Variants in FILIP1L observed in about 807,000 individuals in gnomAD.
FILIP1L encodes the protein filamin A interacting protein 1 like, also known as filamin A-interacting protein 1-like.
A neutral mutation model predicts 96.6 loss-of-function variants in FILIP1L; 55 were observed. The ratio of observed to expected loss-of-function variants is 0.57; its 90% CI spans 0.46 to 0.71. FILIP1L has a LOEUF of 0.71. Among genes scored for constraint, FILIP1L ranks in the 30% least tolerant of loss-of-function variants. FILIP1L has a pLI of 0.00. For missense variants in FILIP1L, 1,304 were observed against 1,321.2 expected, an observed-to-expected ratio of 0.99 and a Z score of 0.20; for synonymous variants, 467 against 473.9, an observed-to-expected ratio of 0.99 and a Z score of 0.19.
At chr3:100,046,094 T>A (rs2065274426) in intron 1 of FILIP1L, among the ~76,000 whole-genome samples, 1 of 152,204 alleles carries the variant, frequency 6.6e-6, no homozygotes, top group African/African-American at 2.4e-5. Flanking sequence ...TGTAACATGA[T>A]GACTGCTTGG....
chr3:99,956,911 C>G (rs1294719681), intron 1 of FILIP1L, among the ~76,000 whole-genome samples: 1 of 152,158 alleles, frequency 6.6e-6, no homozygotes, highest in Non-Finnish European at 1.5e-5. Context: ...AGCTTCTGCC[C>G]TCACCAATGG....
In FILIP1L at chr3:100,021,960, T is replaced by TGTGTGTGTGTGTGAGAGAGA. The variant is rs1321185364; in HGVS notation, c.-10-90931_-10-90930insTCTCTCTCACACACACACAC. Among the ~76,000 whole-genome samples, 3 of 93,330 alleles carry TGTGTGTGTGTGTGAGAGAGA rather than the reference T, an allele frequency of 3.2e-5. No individual in the cohort carries two copies. In the South Asian group the frequency reaches 1.3e-3, roughly 41 times the overall value. 61.2% of individuals were successfully genotyped at this position (93,330 alleles called of 152,430 possible). On this transcript the variant is annotated intron_variant, in intron 1 of 5. Coordinates refer to ENST00000477258, the MANE Select transcript of FILIP1L (RefSeq NM_001387850.1). The stretch of plus-strand genomic sequence containing the variant: ...GTGTGTGTGTGTGTGTGTGTGTGTG[T>TGTGTGTGTGTGTGAGAGAGA]GAGAGAGAGAGAGAGAGAGAGAGAG...
At chr3:100,105,286 G>A (rs1292386984) in intron 1 of FILIP1L, among the ~76,000 whole-genome samples, 1 of 152,174 alleles carries the variant, frequency 6.6e-6, no homozygotes, top group Non-Finnish European at 1.5e-5. Context: ...TGATTTGGGA[G>A]TGGCAATATT....
chr3:100,001,629 G>A (rs1559720907), intron 1 of FILIP1L, among the ~76,000 whole-genome samples: 1 of 152,204 alleles, frequency 6.6e-6, no homozygotes, highest in East Asian at 1.9e-4. Flanking sequence ...CCATCTAGTT[G>A]GGTCTTGTCT....
chr3:99,851,837 A>G (rs1943711635), intron 4 of FILIP1L, among the ~76,000 whole-genome samples: 1 of 152,206 alleles, frequency 6.6e-6, no homozygotes, highest in South Asian at 2.1e-4. Context: ...CTTCACATAT[A>G]TCTTATCCTC....
chr3:99,831,882 A>G (rs1942680031), intron 5 of FILIP1L, among the ~76,000 whole-genome samples: 1 of 152,198 alleles, frequency 6.6e-6, no homozygotes, highest in South Asian at 2.1e-4. Context: ...CTTCCTTTAG[A>G]TGTAAGCTTT....
At chr3:100,040,702 G>A (rs1363950402) in intron 1 of FILIP1L, 2 of 152,174 alleles carry the variant, frequency 1.3e-5, no homozygotes, top group Non-Finnish European at 2.9e-5. Context: ...ACTATTACAG[G>A]CTGAACAGGA....
At chr3:99,920,026 C>T (rs1400987781) in intron 4 of FILIP1L, among the ~76,000 whole-genome samples, 1 of 152,198 alleles carries the variant, frequency 6.6e-6, no homozygotes, top group South Asian at 2.1e-4. Flanking sequence ...TTCTGATTTA[C>T]AAAACTGAAC....
intron 1 of FILIP1L, among the ~76,000 whole-genome samples, chr3:100,082,686 GC>G (rs1173535000): frequency 6.6e-6 from 1 of 152,150 alleles, no homozygotes; most frequent in Non-Finnish European, 1.5e-5. Context: ...TATTTAGGAA[GC>G]CTTTATAGAT....
chr3:99,934,992 A>G (rs1707615220), intron 1 of FILIP1L, among the ~76,000 whole-genome samples: 1 of 152,194 alleles, frequency 6.6e-6, no homozygotes, highest in Non-Finnish European at 1.5e-5. Flanking sequence ...CTTCTGGTCT[A>G]CTGAGGAGCA....
intron 1 of FILIP1L, among the ~76,000 whole-genome samples, chr3:99,933,374 A>G (rs1707550980): frequency 6.6e-6 from 1 of 152,222 alleles, no homozygotes. Context: ...AAGCAAAGGC[A>G]TAGAAGGGAT....
intron 1 of FILIP1L, among the ~76,000 whole-genome samples, chr3:99,982,518 T>G (rs1049535734): frequency 2.0e-5 from 3 of 152,134 alleles, no homozygotes; most frequent in African/African-American, 7.2e-5. Flanking sequence ...TTTTTTTATT[T>G]TTTTATAGAA....
At chr3:100,033,043 A>G (rs2065045620) in intron 1 of FILIP1L, among the ~76,000 whole-genome samples, 1 of 151,956 alleles carries the variant, frequency 6.6e-6, no homozygotes, top group Non-Finnish European at 1.5e-5. Flanking sequence ...TACTGTTACC[A>G]TTGATGAGAC....
intron 4 of FILIP1L, among the ~76,000 whole-genome samples, chr3:99,853,408 T>C (rs1254480712): frequency 6.6e-6 from 1 of 152,260 alleles, no homozygotes; most frequent in Admixed American, 6.5e-5. Context: ...TGCTATGTCA[T>C]TTTTATGAGA....
intron 4 of FILIP1L, among the ~76,000 whole-genome samples, chr3:99,881,890 G>C (rs565969282): frequency 4.3e-4 from 66 of 152,180 alleles, no homozygotes; most frequent in African/African-American, 1.5e-3. Flanking sequence ...TTCCCATGTA[G>C]ATGTGGAGCT....
intron 4 of FILIP1L, among the ~76,000 whole-genome samples, chr3:99,888,813 A>G (rs1705992810): frequency 6.6e-6 from 1 of 152,206 alleles, no homozygotes; most frequent in African/African-American, 2.4e-5. Flanking sequence ...TTGCAAAAAA[A>G]TAACTCTGCT....
intron 1 of FILIP1L, among the ~76,000 whole-genome samples, chr3:100,058,735 A>C (rs2065508466): frequency 6.6e-6 from 1 of 152,246 alleles, no homozygotes; most frequent in Non-Finnish European, 1.5e-5. Context: ...TCCCACTCAG[A>C]GGCTTTTCAG....
chr3:99,867,783 A>G (rs374091906), intron 4 of FILIP1L, among the ~76,000 whole-genome samples: 1 of 152,174 alleles, frequency 6.6e-6, no homozygotes, highest in South Asian at 2.1e-4. Flanking sequence ...AAGAGATTTT[A>G]TGGCTCATCA....
chr3:99,988,226 A>C (rs1709403630), intron 1 of FILIP1L, among the ~76,000 whole-genome samples: 1 of 151,618 alleles, frequency 6.6e-6, no homozygotes, highest in Non-Finnish European at 1.5e-5. Context: ...GGCCGGGCGC[A>C]GTGCCTCACG....
Sources: allele counts gnomAD v4.1 joint callset (sites outside exome capture counted in the v4.1 genomes callset), GRCh38; gene constraint gnomAD v4.1.1; transcripts MANE v1.5; gene names NCBI Gene and HGNC (gene_info 2026-07-23, HGNC 2026-07-21).